Variants in KCNQ3 observed in about 807,000 individuals in gnomAD.
The protein encoded by KCNQ3 is potassium voltage-gated channel subfamily KQT member 3.
A neutral mutation model predicts 92.5 loss-of-function variants in KCNQ3; 30 were observed. The observed-to-expected ratio is 0.32, with a 90% confidence interval of 0.24 to 0.44. KCNQ3 has a LOEUF of 0.44. KCNQ3 is among the 20% of genes least tolerant of loss of function. The pLI is 1.00. For synonymous variants in KCNQ3, 450 were observed against 468.8 expected, an observed-to-expected ratio of 0.96 and a Z score of 0.52; for missense variants, 913 against 1,140.3, an observed-to-expected ratio of 0.80 and a Z score of 2.87.
chr8:132,223,369 G>A (rs1042924711), intron 1 of KCNQ3, among the ~76,000 whole-genome samples: 1 of 152,218 alleles, frequency 6.6e-6, no homozygotes, highest in African/African-American at 2.4e-5. Context: ...GTAATCCCAC[G>A]TGAGAGGAGG....
At position 132,307,171 on chromosome 8, in the gene KCNQ3, C is replaced by T. The variant is rs529216774; in HGVS notation, c.387-120990G>A. 9.8e-5 allele frequency among the ~76,000 whole-genome samples: 15 copies of T among 152,320 alleles called. No individual in the cohort carries two copies. In the South Asian group the frequency reaches 1.0e-3, roughly 11 times the overall value. ...GTACCTTGGGAGCAAGTGTTAGAAT[C>T]TGGGCCAAAAGTAGCTTCAGCGCAG... On this transcript the variant is annotated intron_variant, in intron 1 of 14. Transcript: ENST00000388996.
chr8:132,302,940 C>T (rs1171582396), intron 1 of KCNQ3, among the ~76,000 whole-genome samples: 2 of 152,174 alleles, frequency 1.3e-5, no homozygotes, highest in Non-Finnish European at 2.9e-5. Flanking sequence ...TCACAATCTT[C>T]AGGCACTTCT....
intron 1 of KCNQ3, among the ~76,000 whole-genome samples, chr8:132,306,081 G>A (rs187045972): frequency 2.6e-5 from 4 of 152,164 alleles, no homozygotes; most frequent in Non-Finnish European, 4.4e-5. Context: ...TAGGCAACTC[G>A]CCCAAGGCCA....
chr8:132,127,840 G>A lies in KCNQ3; in HGVS notation c.*1422C>T, dbSNP rs1252079808. ...TATCACACCTGTACAGTAGGGCAGT[G>A]CTTCCCAGGCTGTCTGCTTACATTT... On this transcript the variant is annotated 3_prime_UTR_variant, in exon 15 of 15. Coordinates refer to ENST00000388996, the MANE Select transcript of KCNQ3 (RefSeq NM_004519.4). The A allele has an allele frequency of 6.6e-6, 1 of 152,222 alleles. No homozygotes were observed. 9.4% of individuals were successfully genotyped at this position (152,222 alleles called of 1,614,324 possible).
chr8:132,347,846 G>A (rs528107933), intron 1 of KCNQ3, among the ~76,000 whole-genome samples: 1 of 151,956 alleles, frequency 6.6e-6, no homozygotes, highest in East Asian at 1.9e-4. Flanking sequence ...GCCTGGTGGT[G>A]GGCGCCTGTA....
chr8:132,343,103 G>C (rs1294083374), intron 1 of KCNQ3, among the ~76,000 whole-genome samples: 1 of 152,238 alleles, frequency 6.6e-6, no homozygotes, highest in African/African-American at 2.4e-5. Context: ...ACTGAACATA[G>C]TGTAAGGACT....
chr8:132,473,322 T>C (rs1380802164), intron 1 of KCNQ3, among the ~76,000 whole-genome samples: 1 of 152,188 alleles, frequency 6.6e-6, no homozygotes, highest in Non-Finnish European at 1.5e-5. Flanking sequence ...GAAAAACTGA[T>C]GTTACTTCAG....
At chr8:132,194,000 T>C (rs1827235339) in intron 1 of KCNQ3, among the ~76,000 whole-genome samples, 1 of 152,160 alleles carries the variant, frequency 6.6e-6, no homozygotes, top group Non-Finnish European at 1.5e-5. Context: ...AAAATCTCAG[T>C]AACATTCCAG....
intron 11 of KCNQ3, among the ~76,000 whole-genome samples, 183 bp from the exon 12 acceptor site, chr8:132,138,199 A>G (rs1825169956): frequency 6.6e-6 from 1 of 152,210 alleles, no homozygotes; most frequent in Admixed American, 6.5e-5. Flanking sequence ...GTACATCTCC[A>G]TCAGGATTAC....
At chr8:132,372,759 C>CAAAAAAA (rs749955464) in intron 1 of KCNQ3, among the ~76,000 whole-genome samples, 24 of 67,704 alleles carry the variant, frequency 3.5e-4, no homozygotes, top group East Asian at 1.1e-3. Context: ...GACTTTGTCT[C>CAAAAAAA]AAAAAAAAAA....
intron 1 of KCNQ3, among the ~76,000 whole-genome samples, chr8:132,446,854 T>A (rs891562246): frequency 5.9e-5 from 9 of 152,148 alleles, no homozygotes; most frequent in African/African-American, 2.2e-4. Context: ...GAAATCAGGC[T>A]TAATAGAAAA....
chr8:132,463,679 T>C (rs1587045667), intron 1 of KCNQ3, among the ~76,000 whole-genome samples: 3 of 152,320 alleles, frequency 2.0e-5, no homozygotes, highest in Admixed American at 2.0e-4. Flanking sequence ...ACACTTCTAT[T>C]TTCAATGTAA....
chr8:132,377,031 T>C (rs1223961879), intron 1 of KCNQ3, among the ~76,000 whole-genome samples: 1 of 152,214 alleles, frequency 6.6e-6, no homozygotes, highest in African/African-American at 2.4e-5. Context: ...TGCGACAGCT[T>C]GATTGGGCTA....
intron 1 of KCNQ3, among the ~76,000 whole-genome samples, chr8:132,448,697 G>A (rs190229997): frequency 6.6e-6 from 1 of 152,096 alleles, no homozygotes; most frequent in Non-Finnish European, 1.5e-5. Context: ...TCCAACCCAC[G>A]ATCTGTGCCA....
At chr8:132,233,734 C>T (rs1386324499) in intron 1 of KCNQ3, among the ~76,000 whole-genome samples, 1 of 152,166 alleles carries the variant, frequency 6.6e-6, no homozygotes, top group African/African-American at 2.4e-5. Flanking sequence ...CCTCATTTCA[C>T]TTTGTTTCAG....
intron 1 of KCNQ3, among the ~76,000 whole-genome samples, chr8:132,246,371 C>T (rs1815179692): frequency 6.6e-6 from 1 of 152,206 alleles, no homozygotes; most frequent in Admixed American, 6.5e-5. Flanking sequence ...GAAGAAGCTA[C>T]AAAGTTAACA....
rs866571821 is a variant in KCNQ3 at position 132,179,934 on chromosome 8, T to A, written c.777+223A>T. On this transcript the variant is annotated intron_variant, in intron 4 of 14. Transcript: ENST00000388996. Reference sequence around the variant, plus strand: ...ATTTGCATATGGTGGAGCCAATACCTAACCTCAGTTTCACCTGTTCCTGCT... The same window carrying A: ...ATTTGCATATGGTGGAGCCAATACCAAACCTCAGTTTCACCTGTTCCTGCT... 2.6e-5 allele frequency among the ~76,000 whole-genome samples: 4 copies of A among 152,334 alleles called. No individual in the cohort carries two copies. The South Asian group carries it at 8.3e-4, about 32-fold the overall frequency.
chr8:132,334,993 T>TCTTCCTTCCTTC lies in KCNQ3; in HGVS notation c.386+145142_386+145153dup, dbSNP rs68135959. Reference sequence around the variant, plus strand: ...AAAAACAAGTCATCTTAGACATTTTTCTTCCTTCCTTCCTTCCTTCCTTCC... The same window carrying TCTTCCTTCCTTC: ...AAAAACAAGTCATCTTAGACATTTTTCTTCCTTCCTTCCTTCCTTCCTTCCTTCCTTCCTTCC... On this transcript the variant is annotated intron_variant, in intron 1 of 14. Transcript: ENST00000388996. Among the ~76,000 whole-genome samples the TCTTCCTTCCTTC allele has an allele frequency of 5.1e-3, 759 of 149,624 alleles. 4 individuals are homozygous for TCTTCCTTCCTTC. Among genetic ancestry groups the TCTTCCTTCCTTC allele is most frequent in the African/African-American group, 0.017 (676 of 40,556 alleles).
chr8:132,433,169 T>G (rs1821296942), intron 1 of KCNQ3, among the ~76,000 whole-genome samples: 1 of 152,156 alleles, frequency 6.6e-6, no homozygotes, highest in Non-Finnish European at 1.5e-5. Context: ...GTGTCTGGAT[T>G]GGAAATGTCC....
Sources: gnomAD v4.1 joint callset for allele counts (sites outside exome capture counted in the v4.1 genomes callset) on GRCh38, gnomAD v4.1.1 for gene constraint, MANE v1.5 for transcripts, NCBI Gene and HGNC (gene_info 2026-07-23, HGNC 2026-07-21) for gene names.